WAPL: variants seen among roughly 807,000 people sequenced by gnomAD.
WAPL encodes WAPL cohesin release factor.
A neutral mutation model predicts 121.0 loss-of-function variants in WAPL; 5 were observed. That is an observed-to-expected ratio of 0.04 (90% confidence interval 0.02 to 0.09). The LOEUF is 0.09. WAPL is among the 10% of genes least tolerant of loss of function. The pLI is 1.00. For missense variants in WAPL, 999 were observed against 1,410.8 expected (o/e 0.71, Z 4.68); for synonymous variants, 480 against 481.5 (o/e 1.00, Z 0.04).
chr10:86,475,444 C>T, intron 4 of WAPL, among the ~76,000 whole-genome samples: 1 of 152,194 alleles, frequency 6.6e-6, no homozygotes, highest in East Asian at 1.9e-4. Context: ...ACTATATCCC[C>T]TTACTAGCTG....
chr10:86,446,598 T>G, intron 15 of WAPL, 149 bp from the exon 16 acceptor site: 1 of 898,056 alleles, frequency 1.1e-6, no homozygotes, highest in Non-Finnish European at 1.6e-6. Flanking sequence ...TAAAAGCTTT[T>G]GCTCTACACC....
chr10:86,454,401 C>A (rs1841079825), intron 12 of WAPL, among the ~76,000 whole-genome samples: 1 of 151,894 alleles, frequency 6.6e-6, no homozygotes, highest in African/African-American at 2.4e-5. Flanking sequence ...CTCTCCCTCT[C>A]TCTCCACGGT....
At chr10:86,456,744 C>T (rs1841155204) in intron 12 of WAPL, among the ~76,000 whole-genome samples, 1 of 152,212 alleles carries the variant, frequency 6.6e-6, no homozygotes, top group South Asian at 2.1e-4. Context: ...GAATGCTGGT[C>T]AGGATTACCA....
At chr10:86,439,356 T>C (rs560516497) in intron 17 of WAPL, among the ~76,000 whole-genome samples, 2 of 152,156 alleles carry the variant, frequency 1.3e-5, no homozygotes, top group African/African-American at 4.8e-5. Flanking sequence ...GTGGGCAAAA[T>C]AGTGGCTAAG....
At chr10:86,471,728 C>T (rs1034084288) in intron 7 of WAPL, among the ~76,000 whole-genome samples, 2 of 152,048 alleles carry the variant, frequency 1.3e-5, no homozygotes, top group Non-Finnish European at 2.9e-5. Flanking sequence ...AGCATGATCA[C>T]GGGCTCAAGC....
intron 4 of WAPL, among the ~76,000 whole-genome samples, chr10:86,486,295 A>C (rs1332245794): frequency 1.3e-5 from 2 of 152,220 alleles, no homozygotes; most frequent in Non-Finnish European, 2.9e-5. Flanking sequence ...CACTGTGTGG[A>C]AGGAACATTT....
intron 17 of WAPL, among the ~76,000 whole-genome samples, chr10:86,440,588 T>C (rs920393990): frequency 2.4e-4 from 36 of 152,284 alleles, no homozygotes; most frequent in East Asian, 7.7e-4. Flanking sequence ...CGTGAGCCAC[T>C]GCGCCCGGCC....
chr10:86,444,907 A>AAG (rs1489029930), intron 16 of WAPL, among the ~76,000 whole-genome samples: 2 of 151,398 alleles, frequency 1.3e-5, no homozygotes, highest in Non-Finnish European at 2.9e-5. Context: ...AAAAAAAAAA[A>AAG]AAAAAGAAAT....
In WAPL at chr10:86,472,229, G is replaced by T; in HGVS notation, c.2009C>A (p.Pro670His). The T allele has an allele frequency of 6.3e-7, 1 of 1,580,274 alleles. No individual in the cohort carries two copies. The highest frequency in any genetic ancestry group is 8.5e-7 in the Non-Finnish European group (1 of 1,171,174). The stretch of plus-strand genomic sequence containing the variant: ...TTACCTAAGGCAACGTGTGTTTAGA[G>T]GCTGAGTGCTCTTTAAGCCACTTAA... ...YLLSGLKSTQ[P>H]LNTRCLSVIS... The change falls in exon 7 of 19, where the codon CCT becomes CAT. Residue 670 changes from proline (P) to histidine (H), a missense_variant. Pro to His is a moderately conservative substitution (Grantham distance 77). Coordinates refer to ENST00000298767, the MANE Select transcript of WAPL (RefSeq NM_015045.5). The surrounding 1 kb of genome is among the most constrained non-coding windows in gnomAD (Gnocchi z 4.2).
Position 86,500,399 on chromosome 10 carries a change from C to G in WAPL, c.844G>C (p.Asp282His), listed in dbSNP as rs754963282. ...GGCCTAAGAACACTTTGTACAATAT[C>G]TTCCTCAATGGCTTCATTCAGATTT... ...LENLNEAIEE[D>H]IVQSVLRPTN... is the part of the protein sequence containing the mutation. The change falls in exon 3 of 19, where the codon GAT (aspartate) becomes CAT (histidine). Residue 282 changes from aspartate (D) to histidine (H), a missense_variant. Coordinates refer to ENST00000298767, the MANE Select transcript of WAPL (RefSeq NM_015045.5). 6.2e-7 allele frequency: 1 copy of G among 1,614,098 alleles called. No individual in the cohort carries two copies. Among genetic ancestry groups the G allele is most frequent in the Admixed American group, 1.7e-5 (1 of 60,002 alleles).
intron 4 of WAPL, among the ~76,000 whole-genome samples, chr10:86,476,786 A>G (rs532518656): frequency 1.1e-4 from 17 of 152,350 alleles, no homozygotes; most frequent in Admixed American, 9.2e-4. Context: ...CATTCGTAAG[A>G]AAACAGAAAT....
intron 3 of WAPL, among the ~76,000 whole-genome samples, 199 bp from the exon 4 acceptor site, chr10:86,497,518 G>A (rs183495272): frequency 2.0e-3 from 306 of 152,160 alleles, no homozygotes; most frequent in African/African-American, 6.8e-3. Flanking sequence ...TGTCCCTCCC[G>A]CAAGAGAAAT....
chr10:86,463,773 G>T (rs1032778224), intron 9 of WAPL, among the ~76,000 whole-genome samples: 2 of 152,136 alleles, frequency 1.3e-5, no homozygotes. Flanking sequence ...GTCCATATGG[G>T]TGTATCTTTT....
chr10:86,447,305 G>A (rs1019167388), intron 15 of WAPL, among the ~76,000 whole-genome samples: 1 of 152,182 alleles, frequency 6.6e-6, no homozygotes, highest in Non-Finnish European at 1.5e-5. Context: ...CAAGCCCTGA[G>A]ATAAAAATGT....
At chr10:86,491,409 G>C (rs1280194793) in intron 4 of WAPL, among the ~76,000 whole-genome samples, 1 of 151,914 alleles carries the variant, frequency 6.6e-6, no homozygotes, top group Admixed American at 6.6e-5. Context: ...AAAGTGCTAG[G>C]ATTACAGGCG....
chr10:86,453,904 A>T, intron 12 of WAPL, 73 bp from the exon 13 acceptor site: 1 of 1,233,330 alleles, frequency 8.1e-7, no homozygotes, highest in African/African-American at 1.6e-5. Flanking sequence ...ATTTACTTGA[A>T]CCTAAAGGCT....
Position 86,472,156 on chromosome 10 carries a change from A to G in WAPL, c.2030+52T>C. 1 of 1,484,200 alleles carries G rather than the reference A, an allele frequency of 6.7e-7. No individual in the cohort carries two copies. Among genetic ancestry groups the G allele is most frequent in the Non-Finnish European group, 8.9e-7 (1 of 1,122,530 alleles). 91.9% of individuals were successfully genotyped at this position (1,484,200 alleles called of 1,614,324 possible). A position where few individuals can be genotyped will look rare whatever the true frequency, so the allele number is the denominator to read the frequency against. ...GCTTTTTGGACAACACCTAGTTGAA[A>G]AAATTTAATACAGCATGCACATAAT... On this transcript the variant is annotated intron_variant, in intron 7 of 18. Transcript: ENST00000298767. This position sits in a 1 kb window ranked among gnomAD's most constrained non-coding sequence, Gnocchi z 4.2.
intron 4 of WAPL, among the ~76,000 whole-genome samples, chr10:86,484,926 A>T (rs1467069630): frequency 6.6e-6 from 1 of 152,210 alleles, no homozygotes; most frequent in Non-Finnish European, 1.5e-5. Context: ...TAACCCTGTC[A>T]TTAAGTAATG....
At chr10:86,475,818 G>C (rs1410721956) in intron 4 of WAPL, among the ~76,000 whole-genome samples, 1 of 152,186 alleles carries the variant, frequency 6.6e-6, no homozygotes, top group Non-Finnish European at 1.5e-5. Context: ...CAGAGCCCAG[G>C]CTCTGGTAAC....
Sources: gnomAD v4.1 joint callset for allele counts (sites outside exome capture counted in the v4.1 genomes callset) on GRCh38, gnomAD v4.1.1 for gene constraint, Gnocchi (gnomAD v3.1) non-coding constraint, MANE v1.5 for transcripts, NCBI Gene and HGNC (gene_info 2026-07-23, HGNC 2026-07-21) for gene names.